Variants in SLMAP observed in about 807,000 individuals in gnomAD.
SLMAP encodes the protein sarcolemma associated protein.
SLMAP carries 44 observed loss-of-function variants against 128.8 expected under a neutral mutation model. That is an observed-to-expected ratio of 0.34 (90% CI 0.27 to 0.44). SLMAP has a LOEUF of 0.44. Ranked by LOEUF, SLMAP falls within the 20% of genes least tolerant of loss-of-function variation. The probability of loss-of-function intolerance (pLI) is 1.00; values close to 1 mark genes in which losing one functional copy is unlikely to be tolerated. For synonymous variants in SLMAP, 327 were observed against 348.8 expected, an observed-to-expected ratio of 0.94 and a Z score of 0.70; for missense variants, 787 against 985.3, an observed-to-expected ratio of 0.80 and a Z score of 2.69.
intron 17 of SLMAP, 101 bp downstream of exon 17, chr3:57,897,033 A>T: frequency 1.3e-6 from 2 of 1,554,508 alleles, no homozygotes; most frequent in South Asian, 2.5e-5. Flanking sequence ...ATTTTTAGTT[A>T]AGAGATTAAG....
At chr3:57,885,860 T>G (rs1411280727) in intron 14 of SLMAP, among the ~76,000 whole-genome samples, 2 of 140,362 alleles carry the variant, frequency 1.4e-5, no homozygotes, top group Middle Eastern at 3.8e-3. Flanking sequence ...CTTGGCTCAC[T>G]GTAAACTCTG....
intron 2 of SLMAP, among the ~76,000 whole-genome samples, chr3:57,802,593 A>G (rs1446251248): frequency 6.6e-6 from 1 of 152,166 alleles, no homozygotes; most frequent in Non-Finnish European, 1.5e-5. Context: ...AGATTTGCAT[A>G]TTCTAGAAAT....
At chr3:57,767,538 T>G (rs564579841) in intron 2 of SLMAP, among the ~76,000 whole-genome samples, 12 of 152,348 alleles carry the variant, frequency 7.9e-5, no homozygotes, top group African/African-American at 2.9e-4. Flanking sequence ...TAGATCCAAA[T>G]CTTGTGATTG....
chr3:57,763,874 C>T (rs1281499996), intron 2 of SLMAP, among the ~76,000 whole-genome samples: 1 of 151,956 alleles, frequency 6.6e-6, no homozygotes, highest in East Asian at 1.9e-4. Flanking sequence ...GAATAAAAAG[C>T]AGATAATTTT....
intron 23 of SLMAP, among the ~76,000 whole-genome samples, chr3:57,924,234 G>A (rs1384397622): frequency 1.3e-5 from 2 of 151,938 alleles, no homozygotes. Flanking sequence ...CTTTTTTTGT[G>A]ATATTGCACC....
At chr3:57,895,301 C>A (rs1303931989) in intron 15 of SLMAP, among the ~76,000 whole-genome samples, 3 of 152,008 alleles carry the variant, frequency 2.0e-5, no homozygotes, top group Admixed American at 2.0e-4. Flanking sequence ...AGGCAGAAGA[C>A]CTCTTGTAAA....
intron 14 of SLMAP, among the ~76,000 whole-genome samples, chr3:57,882,422 G>A (rs909990326): frequency 2.4e-4 from 37 of 152,352 alleles, no homozygotes; most frequent in African/African-American, 8.2e-4. Context: ...ACTAAGCTGA[G>A]TTGTATGTGT....
At chr3:57,812,913 T>G (rs1326116818) in intron 2 of SLMAP, among the ~76,000 whole-genome samples, 1 of 152,112 alleles carries the variant, frequency 6.6e-6, no homozygotes, top group Non-Finnish European at 1.5e-5. Flanking sequence ...ATTTCCTTTT[T>G]GGATTGTTCA....
chr3:57,816,553 A>G lies in SLMAP; in HGVS notation c.199-14830A>G, dbSNP rs543446737. Among the ~76,000 whole-genome samples the G allele has an allele frequency of 3.9e-5, 6 of 152,336 alleles. No individual in the cohort carries two copies. The South Asian group carries it at 1.2e-3, about 32-fold the overall frequency. On this transcript the variant is annotated intron_variant, in intron 2 of 24. Transcript: ENST00000671191. ...CACAACTTAATAGCTTCCATTTTATAGTATGAATTACATCATTTATTGCTT... is the reference window on the plus strand; with the variant it reads ...CACAACTTAATAGCTTCCATTTTATGGTATGAATTACATCATTTATTGCTT...
chr3:57,865,765 A>G (rs2095283282), intron 13 of SLMAP, among the ~76,000 whole-genome samples: 1 of 152,174 alleles, frequency 6.6e-6, no homozygotes, highest in South Asian at 2.1e-4. Flanking sequence ...GCCATCAGAA[A>G]AATCTTTTAT....
At chr3:57,791,851 AATG>A (rs1199534754) in intron 2 of SLMAP, among the ~76,000 whole-genome samples, 1 of 152,162 alleles carries the variant, frequency 6.6e-6, no homozygotes, top group Non-Finnish European at 1.5e-5. Context: ...ATGATCTATT[AATG>A]ATCTCAAATT....
intron 2 of SLMAP, among the ~76,000 whole-genome samples, chr3:57,814,074 CCTT>C (rs2091472141): frequency 6.6e-6 from 1 of 151,682 alleles, no homozygotes; most frequent in South Asian, 2.1e-4. Flanking sequence ...TGAGTTATGA[CCTT>C]CTGTGAGCAT....
At chr3:57,917,812 G>A (rs552995522) in intron 22 of SLMAP, 14 of 152,294 alleles carry the variant, frequency 9.2e-5, no homozygotes, top group African/African-American at 2.9e-4. Flanking sequence ...TGGCCAGCTC[G>A]GGGAATGGAG....
At chr3:57,806,730 A>G (rs1397107338) in intron 2 of SLMAP, among the ~76,000 whole-genome samples, 1 of 152,068 alleles carries the variant, frequency 6.6e-6, no homozygotes, top group Non-Finnish European at 1.5e-5. Flanking sequence ...ATGAGCCACC[A>G]TGCCTGTACC....
At chr3:57,872,067 G>T (rs1174153054) in intron 14 of SLMAP, among the ~76,000 whole-genome samples, 1 of 152,148 alleles carries the variant, frequency 6.6e-6, no homozygotes, top group Non-Finnish European at 1.5e-5. Flanking sequence ...TTTTAGAGAG[G>T]TAGTAGCAGT....
At chr3:57,879,059 A>G (rs1045273225) in intron 14 of SLMAP, among the ~76,000 whole-genome samples, 5 of 152,126 alleles carry the variant, frequency 3.3e-5, no homozygotes, top group South Asian at 2.1e-4. Flanking sequence ...ACTCAATCCA[A>G]TCTTGGCATA....
At chr3:57,771,177 C>CCCTCTCCTCT (rs1178682749) in intron 2 of SLMAP, among the ~76,000 whole-genome samples, 6 of 88,532 alleles carry the variant, frequency 6.8e-5, no homozygotes, top group Non-Finnish European at 1.1e-4. Flanking sequence ...CCCTCCCCTC[C>CCCTCTCCTCT]CCTCTCCTCT....
At chr3:57,925,801 C>T (rs2096997106) in intron 23 of SLMAP, 44 bp from the exon 24 acceptor site, 2 of 1,399,058 alleles carry the variant, frequency 1.4e-6, no homozygotes, top group Non-Finnish European at 2.0e-6. Flanking sequence ...TATCTGATTA[C>T]TTTCATAGCA....
chr3:57,877,671 T>C (rs929212047), intron 14 of SLMAP, among the ~76,000 whole-genome samples: 1 of 152,142 alleles, frequency 6.6e-6, no homozygotes, highest in Non-Finnish European at 1.5e-5. Flanking sequence ...CCAGATTTTC[T>C]CCCATTATAA....
Sources: gnomAD v4.1 joint callset for allele counts (sites outside exome capture counted in the v4.1 genomes callset) on GRCh38, gnomAD v4.1.1 for gene constraint, MANE v1.5 for transcripts, NCBI Gene and HGNC (gene_info 2026-07-23, HGNC 2026-07-21) for gene names.